CADPS2: variants seen among roughly 807,000 people sequenced by gnomAD.
The protein encoded by CADPS2 is calcium-dependent secretion activator 2.
A neutral mutation model predicts 172.5 loss-of-function variants in CADPS2; 93 were observed. The ratio of observed to expected loss-of-function variants is 0.54; its 90% CI spans 0.46 to 0.64. The LOEUF is 0.64. Among genes scored for constraint, CADPS2 ranks in the 30% least tolerant of loss-of-function variants. CADPS2 has a pLI of 0.00. For synonymous variants in CADPS2, 546 were observed against 555.2 expected (o/e 0.98, Z 0.23); for missense variants, 1,420 against 1,565.9 (o/e 0.91, Z 1.57).
intron 14 of CADPS2, among the ~76,000 whole-genome samples, chr7:122,469,900 C>T (rs1246155482): frequency 1.3e-5 from 2 of 151,766 alleles, no homozygotes; most frequent in African/African-American, 2.4e-5. Flanking sequence ...TAAGTACAGA[C>T]AAAAAGTTCT....
At chr7:122,874,499 C>T (rs1172290377) in intron 1 of CADPS2, among the ~76,000 whole-genome samples, 2 of 152,304 alleles carry the variant, frequency 1.3e-5, no homozygotes, top group African/African-American at 4.8e-5. Context: ...CATCAAGCTA[C>T]CATTGACTTT....
At chr7:122,375,801 ACAAT>A (rs2042269369) in intron 25 of CADPS2, among the ~76,000 whole-genome samples, 1 of 152,130 alleles carries the variant, frequency 6.6e-6, no homozygotes, top group African/African-American at 2.4e-5. Flanking sequence ...AGCAAGGGAA[ACAAT>A]CAACATAATG....
chr7:122,882,608 C>G (rs1823211671), intron 1 of CADPS2, among the ~76,000 whole-genome samples: 1 of 143,294 alleles, frequency 7.0e-6, no homozygotes, highest in South Asian at 2.2e-4. Flanking sequence ...TTCAAACCAC[C>G]AAGGAACCCT....
chr7:122,728,584 C>T (rs1419124023), intron 2 of CADPS2, among the ~76,000 whole-genome samples: 3 of 151,756 alleles, frequency 2.0e-5, no homozygotes, highest in African/African-American at 7.3e-5. Context: ...AGTATCAAGT[C>T]ATGCTCCTTT....
At chr7:122,570,422 T>C (rs1412014429) in intron 7 of CADPS2, among the ~76,000 whole-genome samples, 1 of 148,204 alleles carries the variant, frequency 6.7e-6, no homozygotes, top group African/African-American at 2.5e-5. Flanking sequence ...GGAACACTTT[T>C]ACACTGTTGG....
At chr7:122,626,801 C>T (rs987832166) in intron 4 of CADPS2, among the ~76,000 whole-genome samples, 1 of 152,154 alleles carries the variant, frequency 6.6e-6, no homozygotes, top group Non-Finnish European at 1.5e-5. Context: ...AAAAATGAGG[C>T]TCGAAAGTGT....
At chr7:122,687,910 T>C (rs2083843313) in intron 2 of CADPS2, among the ~76,000 whole-genome samples, 1 of 152,236 alleles carries the variant, frequency 6.6e-6, no homozygotes, top group Non-Finnish European at 1.5e-5. Context: ...TTTTGTTAAT[T>C]TTTTACATTT....
At chr7:122,759,301 A>G (rs1469041825) in intron 1 of CADPS2, among the ~76,000 whole-genome samples, 1 of 152,202 alleles carries the variant, frequency 6.6e-6, no homozygotes, top group Non-Finnish European at 1.5e-5. Flanking sequence ...AAAAAGGCAT[A>G]TACTCTTAAG....
At chr7:122,388,448 C>A (rs147778547) in intron 23 of CADPS2, 135 bp downstream of exon 23, 2 of 941,038 alleles carry the variant, frequency 2.1e-6, no homozygotes, top group East Asian at 2.7e-5. Flanking sequence ...TCAAGATAAC[C>A]TAATACTCAT....
intron 24 of CADPS2, among the ~76,000 whole-genome samples, chr7:122,383,321 T>C (rs765957400): frequency 7.3e-5 from 11 of 151,650 alleles, no homozygotes; most frequent in Non-Finnish European, 1.6e-4. Context: ...ACAGACACTG[T>C]GGACTAGTAG....
intron 1 of CADPS2, among the ~76,000 whole-genome samples, chr7:122,879,444 G>A (rs1276868473): frequency 1.4e-5 from 2 of 144,348 alleles, no homozygotes; most frequent in Non-Finnish European, 1.5e-5. Context: ...GCTGAGTCAG[G>A]AGAATCACTT....
chr7:122,344,624 C>T (rs1422810136), intron 28 of CADPS2, among the ~76,000 whole-genome samples: 2 of 152,088 alleles, frequency 1.3e-5, no homozygotes, highest in African/African-American at 4.8e-5. Context: ...AGATATTTGG[C>T]TTTACTGCAG....
chr7:122,334,784 T>TA (rs765593891), intron 28 of CADPS2, among the ~76,000 whole-genome samples: 63 of 151,724 alleles, frequency 4.2e-4, no homozygotes, highest in Admixed American at 1.3e-3. Context: ...TACTTCCATT[T>TA]AAAAAAAAAT....
intron 2 of CADPS2, chr7:122,699,118 GA>G: frequency 1.9e-6 from 1 of 536,130 alleles, no homozygotes; most frequent in South Asian, 2.9e-5. Flanking sequence ...ACTTTAGATT[GA>G]AAAATAAATC....
At chr7:122,757,592 C>T (rs1043992505) in intron 1 of CADPS2, among the ~76,000 whole-genome samples, 4 of 151,918 alleles carry the variant, frequency 2.6e-5, no homozygotes, top group Middle Eastern at 3.2e-3. Context: ...TTTTAGGCAG[C>T]CCTGACACCC....
Position 122,387,000 on chromosome 7 carries a change from TTCCCCATGTGGCACATTC to T in CADPS2, c.3312+8_3312+25del. 3 of 1,550,458 alleles carry T rather than the reference TTCCCCATGTGGCACATTC, an allele frequency of 1.9e-6. No individual in the cohort carries two copies. The highest frequency in any genetic ancestry group is 2.6e-6 in the Non-Finnish European group (3 of 1,145,970). On this transcript the variant is annotated splice_region_variant and intron_variant, in intron 24 of 29. Coordinates refer to ENST00000449022, the MANE Select transcript of CADPS2 (RefSeq NM_017954.11). ...CATGCCAAGGCACCCTGTGCTGCCT[TTCCCCATGTGGCACATTC>T]TACATACCTCTTGTCCTCCATCCAG...
At chr7:122,794,561 A>T (rs1795962813) in intron 1 of CADPS2, among the ~76,000 whole-genome samples, 1 of 151,982 alleles carries the variant, frequency 6.6e-6, no homozygotes, top group Non-Finnish European at 1.5e-5. Context: ...AATCATCAAG[A>T]CAGAAAACTA....
At chr7:122,720,823 T>C (rs1380810992) in intron 2 of CADPS2, among the ~76,000 whole-genome samples, 6 of 152,042 alleles carry the variant, frequency 3.9e-5, no homozygotes, top group South Asian at 2.1e-4. Context: ...GAATTGATTA[T>C]TGCTGTTTGA....
At chr7:122,748,067 G>A (rs2092793165) in intron 1 of CADPS2, among the ~76,000 whole-genome samples, 1 of 152,114 alleles carries the variant, frequency 6.6e-6, no homozygotes, top group Admixed American at 6.6e-5. Context: ...CTTAAGTACA[G>A]TGTTTGCTGG....
Sources: allele counts gnomAD v4.1 joint callset (sites outside exome capture counted in the v4.1 genomes callset), GRCh38; gene constraint gnomAD v4.1.1; transcripts MANE v1.5; gene names NCBI Gene and HGNC (gene_info 2026-07-23, HGNC 2026-07-21).